The following ATXN10 variants were observed in gnomAD, a reference collection of about 807,000 sequenced individuals.
ATXN10 encodes ataxin-10.
ATXN10 carries 28 observed loss-of-function variants against 52.9 expected under a neutral mutation model. The ratio of observed to expected loss-of-function variants is 0.53; its 90% CI spans 0.39 to 0.73. The LOEUF (loss-of-function observed/expected upper bound fraction) is 0.73. ATXN10 is among the 30% of genes least tolerant of loss of function. The pLI is 0.00. For synonymous variants in ATXN10, 226 were observed against 221.5 expected (o/e 1.02, Z -0.18); for missense variants, 565 against 577.0 (o/e 0.98, Z 0.21).
Position 45,840,330 on chromosome 22 carries a change from TAAAA to T in ATXN10, c.1238-2658_1238-2655del, listed in dbSNP as rs929379624. On this transcript the variant is annotated intron_variant, in intron 10 of 11. Coordinates refer to ENST00000252934, the MANE Select transcript of ATXN10 (RefSeq NM_013236.4). The surrounding 1 kb of genome is among the most constrained non-coding windows in gnomAD (Gnocchi z 5.8). ...TACAATGCAGTGTGATGAGAACTGT[TAAAA>T]AAGAGAGAGAGAATGCATTGGAAAC... Among the ~76,000 whole-genome samples the T allele has an allele frequency of 6.8e-6, 1 of 148,128 alleles. No homozygotes were observed. Among genetic ancestry groups the T allele is most frequent in the Non-Finnish European group, 1.5e-5 (1 of 67,992 alleles).
rs187599293 is a variant in ATXN10, at chr22:45,795,580, T to C, written c.1174-11379T>C. ...TTCACCACCACACCCAGCTAATTTT[T>C]GTATTTTTAGTAGAGACGGTGTTTC... On this transcript the variant is annotated intron_variant, in intron 9 of 11. Transcript: ENST00000252934. The surrounding 1 kb of genome is among the most constrained non-coding windows in gnomAD (Gnocchi z 4.6). 4.7e-3 allele frequency among the ~76,000 whole-genome samples: 719 copies of C among 152,264 alleles called. 21 individuals carry two copies. Among genetic ancestry groups the C allele is most frequent in the Admixed American group, 0.045 (691 of 15,292 alleles).
At chr22:45,730,987 T>C (rs187892185) in intron 7 of ATXN10, among the ~76,000 whole-genome samples, 13 of 152,360 alleles carry the variant, frequency 8.5e-5, no homozygotes, top group African/African-American at 2.9e-4. Context: ...TTAAACTATT[T>C]TTTATTCTCC....
At chr22:45,813,844 G>A (rs764952923) in intron 10 of ATXN10, among the ~76,000 whole-genome samples, 56 of 152,104 alleles carry the variant, frequency 3.7e-4, no homozygotes, top group Non-Finnish European at 6.6e-4. Context: ...GTAAATTTTC[G>A]TCTGTGATTG....
intron 10 of ATXN10, among the ~76,000 whole-genome samples, chr22:45,808,051 T>C (rs553496005): frequency 9.2e-5 from 14 of 152,352 alleles, no homozygotes; most frequent in African/African-American, 3.1e-4. Flanking sequence ...AACAATCTTA[T>C]TTTAAAGAGC....
chr22:45,673,486 T>C (rs1484938317), intron 1 of ATXN10: 1 of 152,148 alleles, frequency 6.6e-6, no homozygotes, highest in Non-Finnish European at 1.5e-5. Context: ...TTGGGGGAGA[T>C]GTATTTATTG....
rs371753303 is a variant in ATXN10, at chr22:45,758,283, A to G, written c.1173+17745A>G. ...AGCGTGTGGAAAGCATAGGTACTTG[A>G]CAGACCACCAGTGCCTCCATGGAGC... On this transcript the variant is annotated intron_variant, in intron 9 of 11. Coordinates refer to ENST00000252934, the MANE Select transcript of ATXN10 (RefSeq NM_013236.4). Among the ~76,000 whole-genome samples the G allele has an allele frequency of 7.2e-5, 11 of 152,322 alleles. No homozygotes were observed. In the South Asian group the frequency reaches 1.9e-3, roughly 26 times the overall value.
At chr22:45,761,488 A>G (rs753593362) in intron 9 of ATXN10, among the ~76,000 whole-genome samples, 1 of 152,236 alleles carries the variant, frequency 6.6e-6, no homozygotes, top group Non-Finnish European at 1.5e-5. Flanking sequence ...CTTATGTAAT[A>G]CTGTGTTTAC....
At chr22:45,821,425 G>C (rs1928645502) in intron 10 of ATXN10, among the ~76,000 whole-genome samples, 1 of 151,870 alleles carries the variant, frequency 6.6e-6, no homozygotes, top group African/African-American at 2.4e-5. Context: ...ATCCTAATGG[G>C]TTTTCAAGAA....
chr22:45,839,504 G>A (rs1929274662), intron 10 of ATXN10, among the ~76,000 whole-genome samples: 1 of 152,302 alleles, frequency 6.6e-6, no homozygotes, highest in East Asian at 1.9e-4. Context: ...CTTCATCTCC[G>A]AGAGGGCTTT....
At position 45,843,321 on chromosome 22, in the gene ATXN10, T is replaced by A; in HGVS notation, c.1425+143T>A. ...TATAGTGGTTTACCGAGGAAAGCCC[T>A]AAAGATAGCTGCAAACGGTTTTTTT... is the stretch of plus-strand genomic sequence containing the variant. On this transcript the variant is annotated intron_variant, in intron 11 of 11. Coordinates refer to ENST00000252934, the MANE Select transcript of ATXN10 (RefSeq NM_013236.4). The surrounding 1 kb of genome is among the most constrained non-coding windows in gnomAD (Gnocchi z 4.5). 1 of 972,474 alleles carries A rather than the reference T, an allele frequency of 1.0e-6. No individual in the cohort carries two copies. The highest frequency in any genetic ancestry group is 3.2e-4 in the Middle Eastern group (1 of 3,122). The allele number at this position is 972,474 out of a possible 1,614,324, so 60.2% of individuals were successfully genotyped here.
chr22:45,760,067 T>C (rs948438194), intron 9 of ATXN10, among the ~76,000 whole-genome samples: 1 of 152,198 alleles, frequency 6.6e-6, no homozygotes, highest in Non-Finnish European at 1.5e-5. Flanking sequence ...CACGTGGAGA[T>C]AGATTTGTGC....
chr22:45,733,830 C>CT lies in ATXN10; in HGVS notation c.894+4250dup, dbSNP rs911508368. Among the ~76,000 whole-genome samples, 485 of 145,312 alleles carry CT rather than the reference C, an allele frequency of 3.3e-3. No homozygotes were observed. The highest frequency in any genetic ancestry group is 7.8e-3 in the Admixed American group (113 of 14,508). On this transcript the variant is annotated intron_variant, in intron 7 of 11. Transcript: ENST00000252934. The surrounding 1 kb of genome is among the most constrained non-coding windows in gnomAD (Gnocchi z 4.4). ...TTTGTTTTCTATAGATCTGCATATC[C>CT]TTTTTTTTTTGTTTTCTTTTCAAAG...
At chr22:45,793,004 T>A in intron 9 of ATXN10, 1 of 308,030 alleles carries the variant, frequency 3.2e-6, no homozygotes, top group Non-Finnish European at 6.8e-6. Flanking sequence ...CCAAATGCTT[T>A]CTCCTAATAG....
chr22:45,806,558 A>G (rs991366067), intron 9 of ATXN10, among the ~76,000 whole-genome samples: 12 of 152,210 alleles, frequency 7.9e-5, no homozygotes, highest in African/African-American at 2.4e-4. Context: ...TCCGGATTGA[A>G]TCATAGTTAG....
chr22:45,773,472 ATTT>A (rs1018370147), intron 9 of ATXN10, among the ~76,000 whole-genome samples: 5 of 150,306 alleles, frequency 3.3e-5, no homozygotes, highest in Admixed American at 6.7e-5. Context: ...TTATTTATTT[ATTT>A]GAGATAGGTG....
chr22:45,781,637 A>G lies in ATXN10; in HGVS notation c.1174-25322A>G, dbSNP rs753377434. ...GAGCAAAGGCAGTCAACAGATGCCAATACCAAGATGATGACATGGATGTTG... is the reference window on the plus strand; with the variant it reads ...GAGCAAAGGCAGTCAACAGATGCCAGTACCAAGATGATGACATGGATGTTG... On this transcript the variant is annotated intron_variant, in intron 9 of 11. Transcript: ENST00000252934. This position sits in a 1 kb window ranked among gnomAD's most constrained non-coding sequence, Gnocchi z 4.2. Among the ~76,000 whole-genome samples the G allele has an allele frequency of 2.0e-5, 3 of 152,248 alleles. No homozygotes were observed. The highest frequency in any genetic ancestry group is 4.4e-5 in the Non-Finnish European group (3 of 68,044).
intron 7 of ATXN10, among the ~76,000 whole-genome samples, chr22:45,731,728 A>T (rs1158417901): frequency 6.6e-6 from 1 of 152,208 alleles, no homozygotes; most frequent in Admixed American, 6.5e-5. Flanking sequence ...CTCGCCCACG[A>T]GAGTGTATTT....
intron 10 of ATXN10, among the ~76,000 whole-genome samples, chr22:45,839,525 C>G (rs1395376306): frequency 6.6e-6 from 1 of 152,224 alleles, no homozygotes; most frequent in Non-Finnish European, 1.5e-5. Context: ...TCTTCAGTCT[C>G]ATTCTTTCTG....
chr22:45,844,029 G>A lies in ATXN10; in HGVS notation c.*358G>A. The A allele has an allele frequency of 3.6e-6, 1 of 276,502 alleles. No individual in the cohort carries two copies. Among genetic ancestry groups the A allele is most frequent in the East Asian group, 8.1e-5 (1 of 12,392 alleles). The allele number at this position is 276,502 out of a possible 1,614,324, so 17.1% of individuals were successfully genotyped here. The stretch of plus-strand genomic sequence containing the variant: ...TTGACTGTGTTTGTCCCTTCAGATG[G>A]CAAGTCAGCATCATTCTTTATATTC... On this transcript the variant is annotated 3_prime_UTR_variant, in exon 12 of 12. Transcript: ENST00000252934.
Sources: allele counts gnomAD v4.1 joint callset (sites outside exome capture counted in the v4.1 genomes callset), GRCh38; gene constraint gnomAD v4.1.1; non-coding constraint Gnocchi (gnomAD v3.1); transcripts MANE v1.5; gene names NCBI Gene and HGNC (gene_info 2026-07-23, HGNC 2026-07-21).